Variants in PDE2A observed in about 807,000 individuals in gnomAD.
PDE2A encodes the protein phosphodiesterase 2A.
A neutral mutation model predicts 133.6 loss-of-function variants in PDE2A; 53 were observed. That is an observed-to-expected ratio of 0.40 (90% CI 0.32 to 0.50). PDE2A has a LOEUF of 0.50. PDE2A is among the 20% of genes least tolerant of loss of function. The pLI, the probability that PDE2A is intolerant of heterozygous loss-of-function variation, is 0.73. For missense variants in PDE2A, 796 were observed against 1,232.4 expected (o/e 0.65, Z 5.30); for synonymous variants, 491 against 490.2 (o/e 1.00, Z -0.02).
chr11:72,596,552 G>T (rs781366277), intron 6 of PDE2A, 41 bp downstream of exon 6: 4 of 1,253,258 alleles, frequency 3.2e-6, no homozygotes, highest in East Asian at 5.6e-5. Flanking sequence ...CCCTCCCATG[G>T]TCTCCTCTCC....
chr11:72,649,291 G>T (rs1428606191), intron 1 of PDE2A: 1 of 152,252 alleles, frequency 6.6e-6, no homozygotes, highest in Non-Finnish European at 1.5e-5. Flanking sequence ...TGCTCAAAAA[G>T]ACATCTACAG....
At position 72,584,684 on chromosome 11, in the gene PDE2A, G is replaced by A; in HGVS notation, c.1404C>T (p.His468=). 6.2e-7 allele frequency: 1 copy of A among 1,613,328 alleles called. No individual in the cohort carries two copies. The highest frequency in any genetic ancestry group is 8.5e-7 in the Non-Finnish European group (1 of 1,180,022). Residue 468 remains histidine (H), a synonymous_variant, in exon 18 of 31, where the codon CAC becomes CAT. Coordinates refer to ENST00000334456, the MANE Select transcript of PDE2A (RefSeq NM_002599.5). Reference sequence around the variant, plus strand: ...TCAGGATCTGGCCCGTGGTCGCCACGTGTCCCGCGATGCCCTGATCGGCCG... The same window carrying A: ...TCAGGATCTGGCCCGTGGTCGCCACATGTCCCGCGATGCCCTGATCGGCCG... ...RIPADQGIAG[H]VATTGQILNI... is the part of the protein sequence containing the mutation.
rs374061705 is a variant in PDE2A, at chr11:72,604,716, C to T, written c.323+422G>A. On this transcript the variant is annotated intron_variant, in intron 4 of 30. Coordinates refer to ENST00000334456, the MANE Select transcript of PDE2A (RefSeq NM_002599.5). ...TCAGCAGGACGCTGCCTGTGATCTC[C>T]CTGTTCTCAGATGCAAGGAGTTGGC... is the stretch of plus-strand genomic sequence containing the variant. 4.3e-4 allele frequency among the ~76,000 whole-genome samples: 65 copies of T among 152,258 alleles called. 1 individual carries two copies. The highest frequency in any genetic ancestry group is 1.4e-3 in the African/African-American group (60 of 41,528).
chr11:72,642,004 C>T (rs574971385), intron 2 of PDE2A, among the ~76,000 whole-genome samples: 6 of 152,362 alleles, frequency 3.9e-5, no homozygotes, highest in Middle Eastern at 3.4e-3. Context: ...TGCGGTCCCA[C>T]CGTGGACTGG....
At chr11:72,612,139 A>C (rs951337930) in intron 2 of PDE2A, among the ~76,000 whole-genome samples, 1 of 152,240 alleles carries the variant, frequency 6.6e-6, no homozygotes, top group Non-Finnish European at 1.5e-5. Context: ...CATGCCACAC[A>C]AATACATATT....
chr11:72,628,484 C>T (rs1196091591), intron 2 of PDE2A, among the ~76,000 whole-genome samples: 4 of 152,162 alleles, frequency 2.6e-5, no homozygotes, highest in Non-Finnish European at 1.5e-5. Context: ...GCGCCCACCA[C>T]CACAACCGGC....
chr11:72,582,281 A>G, intron 21 of PDE2A, 163 bp downstream of exon 21: 1 of 720,978 alleles, frequency 1.4e-6, no homozygotes, highest in Non-Finnish European at 2.3e-6. Context: ...GGCAGGCCCT[A>G]TGGCTTCCTG....
Position 72,590,825 on chromosome 11 carries a change from C to T in PDE2A, c.550-245G>A, listed in dbSNP as rs889553956. ...CAGGGTCTATCTCCATCCCTAGCCCCTAGATTCTTCCAAGACAAGATGTCA... is the reference window on the plus strand; with the variant it reads ...CAGGGTCTATCTCCATCCCTAGCCCTTAGATTCTTCCAAGACAAGATGTCA... On this transcript the variant is annotated intron_variant, in intron 7 of 30. Coordinates refer to ENST00000334456, the MANE Select transcript of PDE2A (RefSeq NM_002599.5). The surrounding 1 kb of genome is among the most constrained non-coding windows in gnomAD (Gnocchi z 4.8). 13 of 420,596 alleles carry T rather than the reference C, an allele frequency of 3.1e-5. No individual in the cohort carries two copies. Among genetic ancestry groups the T allele is most frequent in the African/African-American group, 2.7e-4 (13 of 48,590 alleles). 26.1% of individuals were successfully genotyped at this position (420,596 alleles called of 1,614,324 possible).
chr11:72,594,303 G>A (rs1157893515), intron 6 of PDE2A, among the ~76,000 whole-genome samples: 2 of 152,222 alleles, frequency 1.3e-5, no homozygotes, highest in African/African-American at 4.8e-5. Flanking sequence ...AAGATCAACC[G>A]ACCCTGTGGC....
chr11:72,596,762 GAC>G (rs1258053537), intron 5 of PDE2A, 114 bp from the exon 6 acceptor site: 16 of 519,924 alleles, frequency 3.1e-5, no homozygotes, highest in Non-Finnish European at 5.0e-5. Flanking sequence ...CCAGGACAGA[GAC>G]ACACAGAGAC....
chr11:72,586,033 G>A (rs1396335879), intron 14 of PDE2A, 37 bp downstream of exon 14: 1 of 1,229,024 alleles, frequency 8.1e-7, no homozygotes, highest in East Asian at 2.4e-5. Context: ...AACTGAGCGA[G>A]TCGGTGCCCG....
intron 4 of PDE2A, among the ~76,000 whole-genome samples, chr11:72,600,718 G>C (rs1035315017): frequency 2.6e-5 from 4 of 151,898 alleles, no homozygotes; most frequent in Non-Finnish European, 5.9e-5. Flanking sequence ...CCCCCACCCT[G>C]CCTTCCAGGC....
Position 72,590,356 on chromosome 11 carries a change from C to T in PDE2A, c.703+71G>A. On this transcript the variant is annotated intron_variant, in intron 8 of 30. Coordinates refer to ENST00000334456, the MANE Select transcript of PDE2A (RefSeq NM_002599.5). This position sits in a 1 kb window ranked among gnomAD's most constrained non-coding sequence, Gnocchi z 4.8. ...GCCCGCCGCCGGCTCCCGGGATCGC[C>T]TAACCCGCCCACCTCCCCTCCAAGT... 6.5e-7 allele frequency: 1 copy of T among 1,543,362 alleles called. No homozygotes were observed. Among genetic ancestry groups the T allele is most frequent in the Non-Finnish European group, 8.8e-7 (1 of 1,140,518 alleles).
At chr11:72,594,607 G>A (rs1856389208) in intron 6 of PDE2A, among the ~76,000 whole-genome samples, 2 of 152,110 alleles carry the variant, frequency 1.3e-5, no homozygotes, top group Non-Finnish European at 2.9e-5. Flanking sequence ...CTGGCAGCCA[G>A]AGCCCAGCTG....
rs1344977028 is a variant in PDE2A at position 72,652,822 on chromosome 11, A to G, written c.72-10496T>C. 1.9e-5 allele frequency: 8 copies of G among 421,584 alleles called. 1 individual carries two copies. The highest frequency in any genetic ancestry group is 3.8e-5 in the Non-Finnish European group (8 of 210,118). 26.1% of individuals were successfully genotyped at this position (421,584 alleles called of 1,614,324 possible). On this transcript the variant is annotated intron_variant, in intron 1 of 30. Transcript: ENST00000334456. Reference sequence around the variant, plus strand: ...CAGGCTGACTTGGGGAAAAGAGCCCAGGGCCTCCCCCAGTCCTTCCTTGGC... The same window carrying G: ...CAGGCTGACTTGGGGAAAAGAGCCCGGGGCCTCCCCCAGTCCTTCCTTGGC...
intron 1 of PDE2A, among the ~76,000 whole-genome samples, chr11:72,656,316 A>G (rs944575786): frequency 1.1e-4 from 16 of 152,184 alleles, no homozygotes; most frequent in African/African-American, 3.4e-4. Flanking sequence ...AAGTTCCAGC[A>G]CAGCAGGCCC....
intron 1 of PDE2A, among the ~76,000 whole-genome samples, chr11:72,670,145 T>C (rs1855352301): frequency 6.6e-6 from 1 of 150,850 alleles, no homozygotes; most frequent in Non-Finnish European, 1.5e-5. Context: ...CAAATGCTCT[T>C]CCATCTTCCT....
chr11:72,642,207 C>T lies in PDE2A; in HGVS notation c.144+47G>A, dbSNP rs996077062. ...GGGCGGGCAGACCCGGCCCGGCGCTCGCCGGACACCCCGTTCTCCTGGTGC... is the reference window on the plus strand; with the variant it reads ...GGGCGGGCAGACCCGGCCCGGCGCTTGCCGGACACCCCGTTCTCCTGGTGC... On this transcript the variant is annotated intron_variant, in intron 2 of 30. Coordinates refer to ENST00000334456, the MANE Select transcript of PDE2A (RefSeq NM_002599.5). 18 of 1,399,424 alleles carry T rather than the reference C, an allele frequency of 1.3e-5. No homozygotes were observed. The African/African-American group carries it at 2.3e-4, about 18-fold the overall frequency. 86.7% of individuals were successfully genotyped at this position (1,399,424 alleles called of 1,614,324 possible). A position where few individuals can be genotyped will look rare whatever the true frequency, so the allele number is the denominator to read the frequency against.
Position 72,579,532 on chromosome 11 carries a change from A to AC in PDE2A, c.2256+1dup. The stretch of plus-strand genomic sequence containing the variant: ...TCCCCACCCCACCCCCAACCCCATC[A>AC]CCTTCCGGGAGAAATGATCAAAGAT... On this transcript the variant is annotated splice_donor_variant, in intron 26 of 30. Transcript: ENST00000334456. LOFTEE classifies it high-confidence loss of function. The AC allele has an allele frequency of 6.4e-7, 1 of 1,552,368 alleles. No individual in the cohort carries two copies. The highest frequency in any genetic ancestry group is 8.8e-7 in the Non-Finnish European group (1 of 1,137,982).
Sources: allele counts gnomAD v4.1 joint callset (sites outside exome capture counted in the v4.1 genomes callset), GRCh38; gene constraint gnomAD v4.1.1; non-coding constraint Gnocchi (gnomAD v3.1); transcripts MANE v1.5; gene names NCBI Gene and HGNC (gene_info 2026-07-23, HGNC 2026-07-21).